SEMA4D: variants seen among roughly 807,000 people sequenced by gnomAD.
SEMA4D encodes semaphorin-4D.
A neutral mutation model predicts 74.8 loss-of-function variants in SEMA4D; 22 were observed. The ratio of observed to expected loss-of-function variants is 0.29; its 90% CI spans 0.21 to 0.42. The LOEUF is 0.42. SEMA4D is among the 10% of genes least tolerant of loss of function. SEMA4D has a pLI of 1.00. For synonymous variants in SEMA4D, 445 were observed against 463.7 expected, an observed-to-expected ratio of 0.96 and a Z score of 0.52; for missense variants, 937 against 1,118.4, an observed-to-expected ratio of 0.84 and a Z score of 2.31.
chr9:89,450,564 G>A (rs1164603589), intron 2 of SEMA4D: 26 of 1,006,600 alleles, frequency 2.6e-5, no homozygotes, highest in South Asian at 2.1e-4. Context: ...GATAACCAGT[G>A]GTCCCTTCCA....
At chr9:89,430,455 G>A (rs746166250) in intron 2 of SEMA4D, among the ~76,000 whole-genome samples, 2 of 152,196 alleles carry the variant, frequency 1.3e-5, no homozygotes, top group African/African-American at 2.4e-5. Flanking sequence ...GCAGGAGCCT[G>A]CAGAGGGGCA....
Position 89,439,980 on chromosome 9 carries a change from C to CA in SEMA4D, c.-244+15907_-244+15908insT, listed in dbSNP as rs370552234. Among the ~76,000 whole-genome samples the CA allele has an allele frequency of 4.6e-5, 7 of 152,370 alleles. 1 individual carries two copies. The highest frequency in any genetic ancestry group is 1.7e-4 in the African/African-American group (7 of 41,588). On this transcript the variant is annotated intron_variant, in intron 2 of 15. Transcript: ENST00000422704. ...GCACACTGCCCCTCAATCACCCTCA[C>CA]CACAGCCCAAAAGTGGACACACGTG...
At chr9:89,405,949 C>T in intron 2 of SEMA4D, 1 of 1,157,140 alleles carries the variant, frequency 8.6e-7, no homozygotes, top group Non-Finnish European at 1.1e-6. Flanking sequence ...AGGACAGACA[C>T]ATGGAGAGGA....
intron 1 of SEMA4D, among the ~76,000 whole-genome samples, chr9:89,496,466 C>T (rs1401113592): frequency 6.6e-6 from 1 of 152,186 alleles, no homozygotes; most frequent in Non-Finnish European, 1.5e-5. Flanking sequence ...TTGTTTGACT[C>T]GCTGAGTGTA....
intron 2 of SEMA4D, among the ~76,000 whole-genome samples, chr9:89,437,103 T>C (rs1226469885): frequency 1.3e-5 from 2 of 152,176 alleles, no homozygotes; most frequent in Non-Finnish European, 2.9e-5. Flanking sequence ...CGAGATGGCC[T>C]GCTCCCAGCT....
intron 2 of SEMA4D, chr9:89,436,669 AG>A (rs1199671616): frequency 6.5e-6 from 1 of 152,714 alleles, no homozygotes; most frequent in Non-Finnish European, 1.5e-5. Context: ...GGGCTAATTC[AG>A]GGGCTCGTGG....
At chr9:89,442,776 C>A (rs538244033) in intron 2 of SEMA4D, among the ~76,000 whole-genome samples, 43 of 152,270 alleles carry the variant, frequency 2.8e-4, no homozygotes, top group African/African-American at 7.9e-4. Context: ...CAGTGTCTGG[C>A]ATGGCTGCAG....
At chr9:89,376,994 T>C (rs1447645702), downstream of SEMA4D, 19 of 1,549,666 alleles carry the variant, frequency 1.2e-5, no homozygotes, top group Non-Finnish European at 1.6e-5. Flanking sequence ...GTCCCCCACA[T>C]GGCCCAGACA....
intron 1 of SEMA4D, among the ~76,000 whole-genome samples, chr9:89,496,868 G>A (rs1266981443): frequency 6.6e-6 from 1 of 152,190 alleles, no homozygotes; most frequent in Non-Finnish European, 1.5e-5. Context: ...GTGGCGCCTG[G>A]TGGATTTGAA....
intron 2 of SEMA4D, among the ~76,000 whole-genome samples, chr9:89,426,385 C>T (rs1046786150): frequency 2.0e-5 from 3 of 152,236 alleles, no homozygotes; most frequent in Non-Finnish European, 2.9e-5. Flanking sequence ...ATGACCACAG[C>T]TCGTAACCAG....
At chr9:89,361,309 G>A (rs1832743331) in exon 19 of SEMA4D, 1 of 152,252 alleles carries the variant, frequency 6.6e-6, no homozygotes, top group Non-Finnish European at 1.5e-5. Context: ...TAGAGAATTT[G>A]TCCAGCTCCA....
intron 2 of SEMA4D, among the ~76,000 whole-genome samples, chr9:89,428,347 C>T (rs929269384): frequency 1.3e-5 from 2 of 152,244 alleles, no homozygotes; most frequent in South Asian, 2.1e-4. Flanking sequence ...CCTGGCCCTG[C>T]AGGGGAACCT....
intron 1 of SEMA4D, 61 bp downstream of exon 1, chr9:89,497,858 G>GCCCC (rs1826158858): frequency 6.6e-6 from 1 of 151,224 alleles, no homozygotes; most frequent in African/African-American, 2.4e-5. Context: ...GGTCCAGGCC[G>GCCCC]CCCCCAGCGC....
At chr9:89,383,812 C>A (rs138776003) in intron 13 of SEMA4D, among the ~76,000 whole-genome samples, 85 of 152,324 alleles carry the variant, frequency 5.6e-4, no homozygotes, top group Non-Finnish European at 1.1e-3. Context: ...AGGCACCTGG[C>A]AGCATGAGTG....
In SEMA4D at chr9:89,399,336, C is replaced by T. The variant is rs1387253695; in HGVS notation, c.255G>A (p.Val85=). Residue 85 remains valine (V), a splice_region_variant and synonymous_variant, in exon 5 of 16, where the codon GTG becomes GTA. Transcript: ENST00000422704. ...TTTTGTCTTCTGAGACCTTCCAATA[C>T]ACCTGTTGGGATAGAGTCCATATCA... ...ALNISEKQHE[V]YWKVSEDKKA... The T allele has an allele frequency of 6.2e-7, 1 of 1,609,526 alleles. No homozygotes were observed. The highest frequency in any genetic ancestry group is 1.3e-5 in the African/African-American group (1 of 74,846).
chr9:89,408,316 G>A (rs972819443), intron 2 of SEMA4D, among the ~76,000 whole-genome samples: 2 of 152,154 alleles, frequency 1.3e-5, no homozygotes, highest in African/African-American at 2.4e-5. Flanking sequence ...ACCAGCCCAG[G>A]GCCTGGCACC....
chr9:89,405,186 A>G (rs1467025254), intron 3 of SEMA4D, among the ~76,000 whole-genome samples, 165 bp downstream of exon 3: 14 of 116,482 alleles, frequency 1.2e-4, no homozygotes, highest in East Asian at 3.0e-4. Context: ...TCAGCCACTC[A>G]CCTCAGCATC....
rs1023394941 is a variant in SEMA4D at position 89,399,131 on chromosome 9, G to A, written c.315+145C>T. 1.8e-4 allele frequency: 119 copies of A among 673,738 alleles called. 1 individual carries two copies. The highest frequency in any genetic ancestry group is 2.6e-4 in the Non-Finnish European group (99 of 375,836). The allele number at this position is 673,738 out of a possible 1,614,324, so 41.7% of individuals were successfully genotyped here. On this transcript the variant is annotated intron_variant, in intron 5 of 15. Coordinates refer to ENST00000422704, the MANE Select transcript of SEMA4D (RefSeq NM_001371194.2). ...GGAATAGAGGGATGAGCTCCAAGAC[G>A]CATCACAACAAAACCAAGCCCAGCA...
chr9:89,447,359 A>C (rs1040817579), intron 2 of SEMA4D, among the ~76,000 whole-genome samples: 11 of 151,374 alleles, frequency 7.3e-5, no homozygotes, highest in African/African-American at 2.7e-4. Flanking sequence ...ACTAATAAGC[A>C]CCTCAAGCTT....
Sources: gnomAD v4.1 joint callset for allele counts (sites outside exome capture counted in the v4.1 genomes callset) on GRCh38, gnomAD v4.1.1 for gene constraint, MANE v1.5 for transcripts, NCBI Gene and HGNC (gene_info 2026-07-23, HGNC 2026-07-21) for gene names.